The following QTMAN variants were observed in gnomAD, a reference collection of about 807,000 sequenced individuals.
QTMAN encodes the protein queuosine-tRNA mannosyltransferase, also known as tRNA-queuosine alpha-mannosyltransferase.
chr2:144,140,080 T>A, the QTMAN span, among the ~76,000 whole-genome samples: 1 of 152,050 alleles, frequency 6.6e-6, no homozygotes, highest in Non-Finnish European at 1.5e-5. Context: ...ATGCAAATAA[T>A]CACTTACTTA....
chr2:144,160,182 C>T, the QTMAN span, among the ~76,000 whole-genome samples: 3 of 151,700 alleles, frequency 2.0e-5, no homozygotes, highest in East Asian at 1.9e-4. Flanking sequence ...AAAGATCATG[C>T]CATCATAAAA....
At chr2:144,109,139 A>G in the QTMAN span, among the ~76,000 whole-genome samples, 7 of 152,218 alleles carry the variant, frequency 4.6e-5, no homozygotes, top group South Asian at 8.3e-4. Context: ...ACCTGACTTC[A>G]AACTATACTA....
the QTMAN span, among the ~76,000 whole-genome samples, chr2:144,141,628 G>A: frequency 2.0e-5 from 3 of 149,938 alleles, no homozygotes; most frequent in Non-Finnish European, 4.4e-5. Flanking sequence ...ACAAAACACC[G>A]GGCTGCTTTG....
chr2:144,275,031 T>C, the QTMAN span, among the ~76,000 whole-genome samples: 8 of 152,030 alleles, frequency 5.3e-5, no homozygotes, highest in Admixed American at 2.0e-4. Context: ...GTTAACAGTG[T>C]TGAGTGCTAT....
chr2:144,223,415 C>A, the QTMAN span, among the ~76,000 whole-genome samples: 11 of 152,234 alleles, frequency 7.2e-5, no homozygotes, highest in South Asian at 2.3e-3. Context: ...AAAAAGAAAT[C>A]CTCCTCTTAG....
the QTMAN span, among the ~76,000 whole-genome samples, chr2:144,225,997 T>C: frequency 6.6e-6 from 1 of 152,216 alleles, no homozygotes; most frequent in African/African-American, 2.4e-5. Flanking sequence ...TTCTCATCAA[T>C]AGGCTATAAT....
At chr2:144,061,791 C>T in the QTMAN span, among the ~76,000 whole-genome samples, 1 of 152,056 alleles carries the variant, frequency 6.6e-6, no homozygotes, top group Admixed American at 6.5e-5. Flanking sequence ...CCATATAAAC[C>T]CCAAACCCCA....
chr2:144,149,993 A>G, the QTMAN span, among the ~76,000 whole-genome samples: 4 of 152,014 alleles, frequency 2.6e-5, no homozygotes, highest in Non-Finnish European at 5.9e-5. Context: ...GCAGGCATTC[A>G]ATATTCCAGC....
chr2:144,110,159 A>G, the QTMAN span, among the ~76,000 whole-genome samples: 1 of 152,244 alleles, frequency 6.6e-6, no homozygotes, highest in East Asian at 1.9e-4. Context: ...CAACAATGAT[A>G]GACTGGATTA....
At chr2:143,949,464 A>G in the QTMAN span, among the ~76,000 whole-genome samples, 1 of 151,978 alleles carries the variant, frequency 6.6e-6, no homozygotes, top group African/African-American at 2.4e-5. Context: ...AGTGAACTCT[A>G]TATGATAAGA....
chr2:144,282,039 C>T, the QTMAN span, among the ~76,000 whole-genome samples: 2 of 152,106 alleles, frequency 1.3e-5, no homozygotes, highest in Admixed American at 1.3e-4. Flanking sequence ...CTCTGAGTTT[C>T]TATTCACTAG....
chr2:144,167,074 T>C, the QTMAN span, among the ~76,000 whole-genome samples: 11 of 152,208 alleles, frequency 7.2e-5, no homozygotes, highest in Non-Finnish European at 1.0e-4. Flanking sequence ...GCATTCCCTT[T>C]GTGTTAAAGT....
At chr2:143,985,820 T>G in the QTMAN span, among the ~76,000 whole-genome samples, 1 of 152,218 alleles carries the variant, frequency 6.6e-6, no homozygotes, top group Non-Finnish European at 1.5e-5. Context: ...TCAGTATTTA[T>G]TCTACTTTTC....
chr2:144,140,089 T>A, the QTMAN span, among the ~76,000 whole-genome samples: 1 of 152,064 alleles, frequency 6.6e-6, no homozygotes, highest in African/African-American at 2.4e-5. Context: ...ATCACTTACT[T>A]ACACTATATG....
chr2:144,229,516 T>C, the QTMAN span, among the ~76,000 whole-genome samples: 1 of 152,056 alleles, frequency 6.6e-6, no homozygotes, highest in Non-Finnish European at 1.5e-5. Flanking sequence ...CAAAAAGCAG[T>C]GGGTAATGTC....
At chr2:144,171,718 C>T in the QTMAN span, among the ~76,000 whole-genome samples, 1 of 151,992 alleles carries the variant, frequency 6.6e-6, no homozygotes, top group Non-Finnish European at 1.5e-5. Flanking sequence ...ACCCCTAGAG[C>T]AATAACGGAA....
the QTMAN span, among the ~76,000 whole-genome samples, chr2:144,188,970 G>T: frequency 5.9e-5 from 9 of 151,792 alleles, no homozygotes; most frequent in South Asian, 1.9e-3. Flanking sequence ...GGAAATAGCC[G>T]GCAAGTAAAA....
At chr2:144,149,851 C>T in the QTMAN span, among the ~76,000 whole-genome samples, 5 of 151,968 alleles carry the variant, frequency 3.3e-5, no homozygotes, top group Non-Finnish European at 5.9e-5. Context: ...TTGCCTTTTA[C>T]CCTATTTACT....
chr2:144,183,822 A>G, the QTMAN span, among the ~76,000 whole-genome samples: 2 of 152,100 alleles, frequency 1.3e-5, no homozygotes. Flanking sequence ...CCCCCAACCA[A>G]CTTGGTAGCC....
Sources: allele counts gnomAD v4.1 joint callset (sites outside exome capture counted in the v4.1 genomes callset), GRCh38; gene constraint gnomAD v4.1.1; transcripts MANE v1.5; gene names NCBI Gene and HGNC (gene_info 2026-07-23, HGNC 2026-07-21).